Variants in ZNF738 observed in about 807,000 individuals in gnomAD.
The protein encoded by ZNF738 is zinc finger protein 738, also known as protein ZNF738.
In ZNF738, 10 loss-of-function variants were observed where a neutral mutation model predicts 9.2. The observed-to-expected ratio is 1.09, with a 90% CI of 0.67 to 1.85. The LOEUF (loss-of-function observed/expected upper bound fraction) is 1.85. Ranked by LOEUF, ZNF738 falls within the 40% of genes most tolerant of loss-of-function variation. ZNF738 has a pLI of 0.00. For missense variants in ZNF738, 346 were observed against 283.6 expected (o/e 1.22, Z -1.58); for synonymous variants, 113 against 94.5 (o/e 1.20, Z -1.14).
At chr19:21,376,025 A>T in intron 4 of ZNF738, 61 bp downstream of exon 4, 1 of 678,314 alleles carries the variant, frequency 1.5e-6, no homozygotes, top group Admixed American at 2.4e-5. Context: ...ACAAAAAAAA[A>T]AAAGCAGTCC....
intron 2 of ZNF738, among the ~76,000 whole-genome samples, chr19:21,368,469 C>CT (rs1449831446): frequency 6.7e-5 from 10 of 149,994 alleles, no homozygotes; most frequent in South Asian, 2.1e-4. Flanking sequence ...CTTTTTTTTT[C>CT]TTTTTTTTGA....
At chr19:21,375,651 T>C (rs1274028710) in intron 3 of ZNF738, among the ~76,000 whole-genome samples, 1 of 152,180 alleles carries the variant, frequency 6.6e-6, no homozygotes, top group Non-Finnish European at 1.5e-5. Flanking sequence ...TAAAATCTAT[T>C]TGCCACCACT....
chr19:21,375,409 T>A (rs1237178786), intron 3 of ZNF738, 45 bp downstream of exon 3: 2 of 598,698 alleles, frequency 3.3e-6, no homozygotes, highest in Non-Finnish European at 6.0e-6. Context: ...CACTAAAGGT[T>A]TCATTTCTCC....
At chr19:21,376,956 A>G (rs907247321) in intron 4 of ZNF738, among the ~76,000 whole-genome samples, 1 of 151,956 alleles carries the variant, frequency 6.6e-6, no homozygotes, top group Non-Finnish European at 1.5e-5. Context: ...TGCATAAGCT[A>G]TTTTGAAGGA....
At position 21,382,946 on chromosome 19, in the gene ZNF738, T is replaced by C. The variant is rs1974022526; in HGVS notation, c.400T>C (p.Tyr134His). The C allele has an allele frequency of 6.5e-6, 4 of 612,912 alleles. No homozygotes were observed. The highest frequency in any genetic ancestry group is 9.2e-6 in the Non-Finnish European group (3 of 326,848). The allele number at this position is 612,912 out of a possible 1,614,324, so 38.0% of individuals were successfully genotyped here. The change falls in exon 5 of 5, where the codon TAT becomes CAT. Residue 134 changes from tyrosine to histidine, a missense_variant. Coordinates refer to ENST00000683779, the MANE Select transcript of ZNF738 (RefSeq NM_001355237.2). ...DSFQKVILRE[Y>H]GNYGHKDLQL... ...TTTCCAAAAAGTGATACTGAGAGAA[T>C]ATGGAAATTATGGACATAAAGATTT...
Position 21,383,866 on chromosome 19 carries a change from C to A in ZNF738, c.*192C>A. The A allele has an allele frequency of 7.2e-7, 1 of 1,380,168 alleles. No individual in the cohort carries two copies. Among genetic ancestry groups the A allele is most frequent in the South Asian group, 1.2e-5 (1 of 86,264 alleles). 85.5% of individuals were successfully genotyped at this position (1,380,168 alleles called of 1,614,324 possible). A position where few individuals can be genotyped will look rare whatever the true frequency, so the allele number is the denominator to read the frequency against. On this transcript the variant is annotated 3_prime_UTR_variant, in exon 5 of 5. Coordinates refer to ENST00000683779, the MANE Select transcript of ZNF738 (RefSeq NM_001355237.2). ...TGTGGCAAAGCTTTCTTCAGATTCT[C>A]ATACCTTACTACACATAAGATAATT...
chr19:21,384,613 A>T lies in ZNF738; in HGVS notation c.*939A>T, dbSNP rs1974045273. ...TGTGAAGAATGTGGCAAAGCTTTTTAAAAATCCTCAAACCTTACTAATCAT... is the reference window on the plus strand; with the variant it reads ...TGTGAAGAATGTGGCAAAGCTTTTTTAAAATCCTCAAACCTTACTAATCAT... On this transcript the variant is annotated 3_prime_UTR_variant, in exon 5 of 5. Coordinates refer to ENST00000683779, the MANE Select transcript of ZNF738 (RefSeq NM_001355237.2). 1.3e-5 allele frequency among the ~76,000 whole-genome samples: 2 copies of T among 151,580 alleles called. No homozygotes were observed. The highest frequency in any genetic ancestry group is 2.9e-5 in the Non-Finnish European group (2 of 67,812).
At chr19:21,364,889 G>A (rs1408487992) in intron 2 of ZNF738, among the ~76,000 whole-genome samples, 2 of 146,652 alleles carry the variant, frequency 1.4e-5, no homozygotes, top group Non-Finnish European at 3.0e-5. Flanking sequence ...GGGACTACAG[G>A]CATCCACCAC....
chr19:21,364,140 T>A (rs1973741424), intron 2 of ZNF738, among the ~76,000 whole-genome samples: 1 of 134,518 alleles, frequency 7.4e-6, no homozygotes. Context: ...GAGGTTGCAG[T>A]GAGCCGAGAT....
chr19:21,386,517 T>C lies in ZNF738; in HGVS notation c.*2843T>C. On this transcript the variant is annotated 3_prime_UTR_variant, in exon 5 of 5. Coordinates refer to ENST00000683779, the MANE Select transcript of ZNF738 (RefSeq NM_001355237.2). ...AGAAACCTCACAACTGTGAAGAATG[T>C]GGCAAAGCTTTTAACCAGTCCTACA... 1 of 379,702 alleles carries C rather than the reference T, an allele frequency of 2.6e-6. No homozygotes were observed. The highest frequency in any genetic ancestry group is 5.4e-6 in the Non-Finnish European group (1 of 186,502). The allele number at this position is 379,702 out of a possible 1,614,324, so 23.5% of individuals were successfully genotyped here. A position where few individuals can be genotyped will look rare whatever the true frequency, so the allele number is the denominator to read the frequency against.
intron 2 of ZNF738, among the ~76,000 whole-genome samples, chr19:21,369,931 G>A (rs746736949): frequency 6.6e-6 from 1 of 151,098 alleles, no homozygotes; most frequent in Admixed American, 6.6e-5. Context: ...CTCCTGCCTC[G>A]CCCTCCTGAG....
At chr19:21,363,744 C>T (rs1183313319) in intron 2 of ZNF738, among the ~76,000 whole-genome samples, 2 of 150,992 alleles carry the variant, frequency 1.3e-5, no homozygotes, top group Non-Finnish European at 3.0e-5. Flanking sequence ...CAAAAATTAA[C>T]TGGGCGTGGT....
intron 2 of ZNF738, among the ~76,000 whole-genome samples, chr19:21,369,443 A>G (rs564089713): frequency 2.6e-4 from 39 of 152,204 alleles, no homozygotes; most frequent in African/African-American, 8.4e-4. Flanking sequence ...TCTACCATCA[A>G]TAGGCAATTA....
chr19:21,375,307 C>G lies in ZNF738; in HGVS notation c.166C>G (p.Gln56Glu), dbSNP rs1319923175. The part of the protein sequence containing the change: ...QEEWQCLDTA[Q>E]QDLYRKVMLE... ...GGAGTGGCAATGCCTGGACACTGCT[C>G]AGCAAGATTTGTATAGGAAAGTGAT... The change falls in exon 3 of 5, where the codon CAG (glutamine) becomes GAG (glutamate). Residue 56 changes from glutamine (Q) to glutamate (E), a missense_variant. By Grantham distance (29) the Gln-to-Glu change is conservative. Transcript: ENST00000683779. 1 of 1,117,688 alleles carries G rather than the reference C, an allele frequency of 8.9e-7. No individual in the cohort carries two copies. Among genetic ancestry groups the G allele is most frequent in the Admixed American group, 1.7e-5 (1 of 58,446 alleles). 69.2% of individuals were successfully genotyped at this position (1,117,688 alleles called of 1,614,324 possible).
rs1347788928 is a variant in ZNF738 at position 21,388,106 on chromosome 19, T to C, written c.*4432T>C. On this transcript the variant is annotated 3_prime_UTR_variant, in exon 5 of 5. Coordinates refer to ENST00000683779, the MANE Select transcript of ZNF738 (RefSeq NM_001355237.2). The stretch of plus-strand genomic sequence containing the variant: ...TATACTAAGTCAAGAGTTCTGAGTA[T>C]AGAAAATAATCTAAAACTAAAGTTG... Among the ~76,000 whole-genome samples the C allele has an allele frequency of 6.6e-6, 1 of 152,138 alleles. No homozygotes were observed. The highest frequency in any genetic ancestry group is 1.5e-5 in the Non-Finnish European group (1 of 68,012).
chr19:21,386,196 A>G lies in ZNF738; in HGVS notation c.*2522A>G, dbSNP rs1243956026. ...ACCTACAAACGTGAGGAATGTGGCA[A>G]AGCCTTTAATGGTCCCCTCAACTTT... On this transcript the variant is annotated 3_prime_UTR_variant, in exon 5 of 5. Coordinates refer to ENST00000683779, the MANE Select transcript of ZNF738 (RefSeq NM_001355237.2). The G allele has an allele frequency of 3.3e-6, 1 of 300,778 alleles. No homozygotes were observed. The highest frequency in any genetic ancestry group is 4.3e-5 in the Admixed American group (1 of 23,132). The allele number at this position is 300,778 out of a possible 1,614,324, so 18.6% of individuals were successfully genotyped here. A position where few individuals can be genotyped will look rare whatever the true frequency, so the allele number is the denominator to read the frequency against.
In ZNF738 at chr19:21,362,030, C is replaced by T. The variant is rs554723272; in HGVS notation, c.96+172C>T. ...CCGGGAGGCAGAGGTTGTGGTGAGC[C>T]GAGATCCTGCCATTGCACTCTAGCC... On this transcript the variant is annotated intron_variant, in intron 2 of 4. Transcript: ENST00000683779. 2.0e-5 allele frequency among the ~76,000 whole-genome samples: 3 copies of T among 151,228 alleles called. No individual in the cohort carries two copies. In the South Asian group the frequency reaches 6.3e-4, roughly 32 times the overall value.
intron 2 of ZNF738, among the ~76,000 whole-genome samples, chr19:21,362,957 A>G (rs906564773): frequency 1.3e-5 from 2 of 152,226 alleles, no homozygotes; most frequent in Non-Finnish European, 2.9e-5. Context: ...TCATGAAAAC[A>G]TCAGTTCCTT....
At chr19:21,379,845 G>A (rs1390268778) in intron 4 of ZNF738, among the ~76,000 whole-genome samples, 2 of 151,878 alleles carry the variant, frequency 1.3e-5, no homozygotes, top group Non-Finnish European at 2.9e-5. Context: ...TCTAGGTTTT[G>A]GTGTGTTTTG....
Sources: gnomAD v4.1 joint callset for allele counts (sites outside exome capture counted in the v4.1 genomes callset) on GRCh38, gnomAD v4.1.1 for gene constraint, MANE v1.5 for transcripts, NCBI Gene and HGNC (gene_info 2026-07-23, HGNC 2026-07-21) for gene names.